The following PLD5 variants were observed in gnomAD, a reference collection of about 807,000 sequenced individuals.
PLD5 encodes inactive phospholipase D5.
PLD5 carries 36 observed loss-of-function variants against 61.1 expected under a neutral mutation model. That is an observed-to-expected ratio of 0.59 (90% CI 0.45 to 0.78). PLD5 has a LOEUF of 0.78. PLD5 is among the 30% of genes least tolerant of loss of function. PLD5 has a pLI of 0.00. For synonymous variants in PLD5, 243 were observed against 242.8 expected (o/e 1.00, Z -0.01); for missense variants, 515 against 644.4 (o/e 0.80, Z 2.17).
chr1:242,518,402 C>T (rs746854802), intron 1 of PLD5, among the ~76,000 whole-genome samples: 13 of 152,132 alleles, frequency 8.5e-5, no homozygotes, highest in Non-Finnish European at 1.3e-4. Flanking sequence ...TTTTAATGTC[C>T]TCAATATATA....
intron 4 of PLD5, among the ~76,000 whole-genome samples, chr1:242,251,471 A>G (rs1672694317): frequency 6.6e-6 from 1 of 151,540 alleles, no homozygotes. Flanking sequence ...GTCATGTGAT[A>G]CAAGGTCTAA....
chr1:242,285,540 G>T (rs1407126658), intron 3 of PLD5, among the ~76,000 whole-genome samples: 1 of 151,776 alleles, frequency 6.6e-6, no homozygotes, highest in African/African-American at 2.4e-5. Flanking sequence ...GTGGGATTGG[G>T]TCATGGTGGA....
intron 4 of PLD5, among the ~76,000 whole-genome samples, chr1:242,257,845 G>A (rs756489451): frequency 5.9e-5 from 9 of 152,088 alleles, no homozygotes; most frequent in Non-Finnish European, 1.2e-4. Context: ...CTGGTTGTTT[G>A]TACGGTCACT....
rs1301030920 is a variant in PLD5 at position 242,288,412 on chromosome 1, T to C, written c.445A>G (p.Ile149Val). Residue 149 changes from isoleucine (I) to valine (V), a missense_variant, in exon 3 of 10, where the codon ATA becomes GTA. Transcript: ENST00000536534. ...LLNMAKKSVD[I>V]VSSHWDLNHT... ...TTGAGATCCCAATGGGAAGACACTA[T>C]GTCAACAGACTTTTTGGCCATGTTG... 6 of 1,613,106 alleles carry C rather than the reference T, an allele frequency of 3.7e-6. No individual in the cohort carries two copies. Among genetic ancestry groups the C allele is most frequent in the Non-Finnish European group, 4.2e-6 (5 of 1,179,722 alleles).
intron 4 of PLD5, among the ~76,000 whole-genome samples, chr1:242,223,581 C>T (rs766505856): frequency 3.0e-4 from 46 of 152,130 alleles, no homozygotes; most frequent in Non-Finnish European, 6.0e-4. Flanking sequence ...TACCTGTGTG[C>T]CCAGTGCCAA....
intron 1 of PLD5, among the ~76,000 whole-genome samples, chr1:242,366,564 A>C (rs1376805483): frequency 6.6e-6 from 1 of 152,216 alleles, no homozygotes; most frequent in African/African-American, 2.4e-5. Flanking sequence ...AGGTTTTGCC[A>C]TTAAAAATAA....
At chr1:242,527,810 T>C (rs1233844081), upstream of PLD5, among the ~76,000 whole-genome samples, 4 of 152,204 alleles carry the variant, frequency 2.6e-5, no homozygotes, top group African/African-American at 7.2e-5. Flanking sequence ...AGGTATAATA[T>C]GAGAATTTTG....
intron 5 of PLD5, among the ~76,000 whole-genome samples, chr1:242,163,390 G>A (rs1032070225): frequency 3.9e-5 from 6 of 151,916 alleles, no homozygotes; most frequent in Non-Finnish European, 8.8e-5. Flanking sequence ...TGATCCAGCT[G>A]CCTCGGCCTC....
At chr1:242,194,487 C>T (rs1369007471) in intron 5 of PLD5, among the ~76,000 whole-genome samples, 4 of 152,172 alleles carry the variant, frequency 2.6e-5, no homozygotes, top group African/African-American at 4.8e-5. Flanking sequence ...TACAGCAGCA[C>T]CATTCACAAT....
chr1:242,273,943 A>G (rs1014045105), intron 3 of PLD5, among the ~76,000 whole-genome samples: 1 of 152,130 alleles, frequency 6.6e-6, no homozygotes, highest in Non-Finnish European at 1.5e-5. Context: ...CACTGGAGGG[A>G]GCATCACCCT....
intron 1 of PLD5, among the ~76,000 whole-genome samples, chr1:242,493,773 C>T (rs774388227): frequency 7.9e-5 from 12 of 152,180 alleles, no homozygotes; most frequent in Admixed American, 1.3e-4. Flanking sequence ...CCCCTGGTGC[C>T]GGGAAGGCTC....
At chr1:242,450,252 A>G (rs535467101) in intron 1 of PLD5, among the ~76,000 whole-genome samples, 1 of 152,228 alleles carries the variant, frequency 6.6e-6, no homozygotes, top group African/African-American at 2.4e-5. Flanking sequence ...AATAGTACAC[A>G]TAAGCAAAAA....
chr1:242,465,700 G>C (rs775808136), intron 1 of PLD5, among the ~76,000 whole-genome samples: 1 of 152,124 alleles, frequency 6.6e-6, no homozygotes, highest in Non-Finnish European at 1.5e-5. Flanking sequence ...AGGCTGAGGC[G>C]GGTGGATCAT....
At chr1:242,096,485 G>C (rs964423751) in intron 9 of PLD5, among the ~76,000 whole-genome samples, 2 of 151,986 alleles carry the variant, frequency 1.3e-5, no homozygotes, top group African/African-American at 4.8e-5. Flanking sequence ...GGGATTACAG[G>C]CATATGCCAC....
intron 1 of PLD5, among the ~76,000 whole-genome samples, chr1:242,434,274 G>A (rs1197070208): frequency 6.6e-6 from 1 of 152,222 alleles, no homozygotes; most frequent in Non-Finnish European, 1.5e-5. Flanking sequence ...ATTGCTGATG[G>A]ACTGCATGTC....
At chr1:242,450,182 A>C (rs1666725724) in intron 1 of PLD5, among the ~76,000 whole-genome samples, 1 of 152,174 alleles carries the variant, frequency 6.6e-6, no homozygotes, top group Admixed American at 6.5e-5. Flanking sequence ...ATTCAATCAC[A>C]CAGCTGGCAC....
At chr1:242,447,731 C>T (rs937314149) in intron 1 of PLD5, among the ~76,000 whole-genome samples, 2 of 152,224 alleles carry the variant, frequency 1.3e-5, no homozygotes, top group African/African-American at 4.8e-5. Flanking sequence ...AAGGAAAGTT[C>T]ACTCTCTTCG....
chr1:242,240,348 C>G (rs1354723671), intron 4 of PLD5, among the ~76,000 whole-genome samples: 1 of 152,150 alleles, frequency 6.6e-6, no homozygotes, highest in Non-Finnish European at 1.5e-5. Context: ...ACTGCTCTCC[C>G]CCAACATTCT....
chr1:242,143,268 G>C (rs576701769), intron 5 of PLD5, among the ~76,000 whole-genome samples: 93 of 151,242 alleles, frequency 6.1e-4, no homozygotes, highest in Non-Finnish European at 1.2e-3. Flanking sequence ...GGCCAGGCTG[G>C]TCTTGAACTC....
Sources: allele counts gnomAD v4.1 joint callset (sites outside exome capture counted in the v4.1 genomes callset), GRCh38; gene constraint gnomAD v4.1.1; transcripts MANE v1.5; gene names NCBI Gene and HGNC (gene_info 2026-07-23, HGNC 2026-07-21).